GPR89A: variants seen among roughly 807,000 people sequenced by gnomAD.
GPR89A encodes the protein golgi pH regulator A.
GPR89A carries 16 observed loss-of-function variants against 52.0 expected under a neutral mutation model. The observed-to-expected ratio is 0.31, with a 90% CI of 0.21 to 0.47. The LOEUF (loss-of-function observed/expected upper bound fraction) is 0.47, where lower values mean the gene tolerates loss of function less well. Ranked by LOEUF, GPR89A falls within the 20% of genes least tolerant of loss-of-function variation. The pLI, the probability that GPR89A is intolerant of heterozygous loss-of-function variation, is 1.00. For synonymous variants in GPR89A, 55 were observed against 150.9 expected (o/e 0.36, Z 4.66); for missense variants, 135 against 449.4 (o/e 0.30, Z 6.33).
intron 7 of GPR89A, among the ~76,000 whole-genome samples, chr1:145,635,410 A>G (rs1442194689): frequency 3.2e-4 from 1 of 3,108 alleles, no homozygotes; most frequent in African/African-American, 1.8e-3. Flanking sequence ...CGTCTCAAAA[A>G]AGAAAAAAAA....
At chr1:145,649,513 G>A (rs1246789507) in intron 10 of GPR89A, among the ~76,000 whole-genome samples, 1 of 149,732 alleles carries the variant, frequency 6.7e-6, no homozygotes, top group Non-Finnish European at 1.5e-5. Flanking sequence ...GTGTTTCCGT[G>A]GTTTGGACGT....
intron 10 of GPR89A, among the ~76,000 whole-genome samples, chr1:145,649,204 A>G (rs1218145051): frequency 2.0e-5 from 3 of 151,778 alleles, no homozygotes; most frequent in Non-Finnish European, 2.9e-5. Context: ...ATATATACCT[A>G]TGCAACAACC....
chr1:145,656,792 A>G (rs1232316611), intron 10 of GPR89A, among the ~76,000 whole-genome samples: 1 of 151,198 alleles, frequency 6.6e-6, no homozygotes, highest in Non-Finnish European at 1.5e-5. Context: ...TTAGGGAGAT[A>G]GCATCCAGTC....
rs1553697125 is a variant in GPR89A at position 145,669,675 on chromosome 1, A to G, written c.1146A>G (p.Leu382=). The change falls in exon 13 of 14, where the codon CTA becomes CTG. Residue 382 remains leucine, a synonymous_variant. Coordinates refer to ENST00000313835, the MANE Select transcript of GPR89A (RefSeq NM_001097612.2). The part of the protein sequence containing the change: ...SSKSSNVIVL[L]LAQIMGMYFV... ...AGTCCTCCAATGTCATTGTCCTGCT[A>G]TTAGCACAGATAATGGTAAGTTTAA... 2 of 1,611,486 alleles carry G rather than the reference A, an allele frequency of 1.2e-6. No homozygotes were observed. The highest frequency in any genetic ancestry group is 2.2e-5 in the East Asian group (1 of 44,876).
intron 7 of GPR89A, among the ~76,000 whole-genome samples, chr1:145,636,163 G>A (rs1553690708): frequency 6.6e-6 from 1 of 152,170 alleles, no homozygotes. Flanking sequence ...AGAAGAATCA[G>A]CCTCCCAACG....
At chr1:145,647,532 G>C (rs587681689) in intron 10 of GPR89A, among the ~76,000 whole-genome samples, 18 of 151,864 alleles carry the variant, frequency 1.2e-4, no homozygotes, top group Admixed American at 3.3e-4. Context: ...GGCCGGGCAT[G>C]GTGGCTCATG....
At position 145,654,194 on chromosome 1, in the gene GPR89A, A is replaced by G. The variant is rs1434161061; in HGVS notation, c.909+6927A>G. ...CATTTGCTTGTCTGAAAAGGATTTT[A>G]TTTCTCCTTCACTTATGAAGCTTAG... On this transcript the variant is annotated intron_variant, in intron 10 of 13. Coordinates refer to ENST00000313835, the MANE Select transcript of GPR89A (RefSeq NM_001097612.2). 2.6e-5 allele frequency among the ~76,000 whole-genome samples: 4 copies of G among 152,120 alleles called. No homozygotes were observed. In the East Asian group the frequency reaches 7.7e-4, roughly 29 times the overall value.
intron 1 of GPR89A, among the ~76,000 whole-genome samples, chr1:145,609,141 T>G (rs1648065208): frequency 1.3e-5 from 2 of 152,156 alleles, no homozygotes; most frequent in African/African-American, 4.8e-5. Flanking sequence ...AATAAAGATT[T>G]TGTGTGTGTG....
intron 10 of GPR89A, among the ~76,000 whole-genome samples, chr1:145,660,607 A>G (rs587756506): frequency 5.9e-5 from 9 of 152,312 alleles, no homozygotes; most frequent in Admixed American, 1.3e-4. Context: ...ACAAGTTTAC[A>G]AGAAAAAAAC....
chr1:145,648,581 G>A (rs1290482783), intron 10 of GPR89A, among the ~76,000 whole-genome samples: 2 of 150,094 alleles, frequency 1.3e-5, no homozygotes, highest in African/African-American at 4.9e-5. Context: ...CTGGGCCCAA[G>A]CAATTCTCCT....
chr1:145,614,788 A>G (rs587763479), intron 1 of GPR89A, among the ~76,000 whole-genome samples: 47 of 152,306 alleles, frequency 3.1e-4, no homozygotes, highest in African/African-American at 9.6e-4. Flanking sequence ...GGGAGTAAAT[A>G]GCATAACTGG....
chr1:145,612,838 T>A (rs1648397602), intron 1 of GPR89A, among the ~76,000 whole-genome samples: 1 of 152,172 alleles, frequency 6.6e-6, no homozygotes, highest in South Asian at 2.1e-4. Context: ...TCTAATGTTT[T>A]CTTTTTTTCT....
intron 7 of GPR89A, among the ~76,000 whole-genome samples, chr1:145,636,735 A>G (rs189743825): frequency 0.038 from 5,842 of 151,918 alleles, 316 homozygotes; most frequent in African/African-American, 0.13. Context: ...AAAACTGGAA[A>G]AAATATTAAA....
intron 10 of GPR89A, among the ~76,000 whole-genome samples, chr1:145,660,771 A>G (rs1387376936): frequency 5.3e-5 from 8 of 151,892 alleles, no homozygotes; most frequent in African/African-American, 1.9e-4. Context: ...ATCTCACACC[A>G]GTTAGAATGG....
At chr1:145,658,731 A>C (rs1444604455) in intron 10 of GPR89A, among the ~76,000 whole-genome samples, 2 of 151,136 alleles carry the variant, frequency 1.3e-5, no homozygotes, top group Non-Finnish European at 3.0e-5. Flanking sequence ...GATTGTTTCT[A>C]CTTTTGGGCC....
At chr1:145,629,366 A>G (rs1649739661) in intron 5 of GPR89A, among the ~76,000 whole-genome samples, 1 of 152,026 alleles carries the variant, frequency 6.6e-6, no homozygotes, top group Non-Finnish European at 1.5e-5. Flanking sequence ...TCATGACCAT[A>G]GTGTAGAGTG....
intron 4 of GPR89A, 184 bp downstream of exon 4, chr1:145,623,344 T>G: frequency 1.7e-6 from 1 of 577,758 alleles, no homozygotes. Flanking sequence ...AAAATAAATA[T>G]TGAATGAATG....
chr1:145,647,813 CTT>C lies in GPR89A; in HGVS notation c.909+547_909+548del, dbSNP rs1571519329. ...GGCGAGACTCCATCTCTCTCTCTCT[CTT>C]CGTCGTCGTCGACTCTCTCTCTCTC... On this transcript the variant is annotated intron_variant, in intron 10 of 13. Transcript: ENST00000313835. 2.5e-3 allele frequency among the ~76,000 whole-genome samples: 11 copies of C among 4,320 alleles called. 3 individuals are homozygous for C. Among genetic ancestry groups the C allele is most frequent in the African/African-American group, 4.3e-3 (4 of 922 alleles). The allele number at this position is 4,320 out of a possible 152,430, so 2.8% of individuals were successfully genotyped here.
intron 10 of GPR89A, among the ~76,000 whole-genome samples, 165 bp from the exon 11 acceptor site, chr1:145,663,164 C>T (rs1272235436): frequency 3.3e-5 from 5 of 151,756 alleles, no homozygotes; most frequent in African/African-American, 4.8e-5. Flanking sequence ...TATGAGTATC[C>T]AAAATAGATT....
Sources: allele counts gnomAD v4.1 joint callset (sites outside exome capture counted in the v4.1 genomes callset), GRCh38; gene constraint gnomAD v4.1.1; transcripts MANE v1.5; gene names NCBI Gene and HGNC (gene_info 2026-07-23, HGNC 2026-07-21).